The following CD300LF variants were observed in gnomAD, a reference collection of about 807,000 sequenced individuals.
CD300LF encodes CD300 molecule like family member f.
In CD300LF, 27 loss-of-function variants were observed where a neutral mutation model predicts 32.2. The observed-to-expected ratio is 0.84, with a 90% confidence interval of 0.62 to 1.15. CD300LF has a LOEUF of 1.15. Among genes scored for constraint, CD300LF ranks in the 50% most tolerant of loss-of-function variants. The pLI, the probability that CD300LF is intolerant of heterozygous loss-of-function variation, is 0.00. For missense variants in CD300LF, 348 were observed against 356.8 expected, an observed-to-expected ratio of 0.98 and a Z score of 0.20; for synonymous variants, 139 against 143.2, an observed-to-expected ratio of 0.97 and a Z score of 0.21.
At chr17:74,704,341 T>TA (rs761295572) in intron 2 of CD300LF, 137 bp downstream of exon 2, 12 of 660,512 alleles carry the variant, frequency 1.8e-5, no homozygotes, top group Admixed American at 2.9e-5. Context: ...CAGTCCCAGG[T>TA]GGTCAGTCAG....
rs181624680 is a variant in CD300LF at position 74,694,760 on chromosome 17, A to G, written c.*336T>C. The G allele has an allele frequency of 1.5e-4, 30 of 201,932 alleles. No individual in the cohort carries two copies. The highest frequency in any genetic ancestry group is 1.2e-3 in the South Asian group (8 of 6,746). 12.5% of individuals were successfully genotyped at this position (201,932 alleles called of 1,614,324 possible). ...GCCCATAACATGTGGTAGGCAATAA[A>G]TAAAGGTTCATTGTATTACGATAAT... is the stretch of plus-strand genomic sequence containing the variant. On this transcript the variant is annotated 3_prime_UTR_variant, in exon 7 of 7. Coordinates refer to ENST00000326165, the MANE Select transcript of CD300LF (RefSeq NM_139018.5).
chr17:74,696,961 G>A (rs575423156), intron 4 of CD300LF, among the ~76,000 whole-genome samples: 5 of 146,828 alleles, frequency 3.4e-5, no homozygotes, highest in Admixed American at 2.7e-4. Context: ...TTGGTTTTGA[G>A]ATGGAGTTTC....
chr17:74,703,227 C>T, intron 2 of CD300LF, 129 bp from the exon 3 acceptor site: 2 of 1,144,996 alleles, frequency 1.7e-6, no homozygotes, highest in Admixed American at 2.0e-5. Context: ...CAGCTCTGAG[C>T]CTGGGCGGGG....
At chr17:74,699,834 C>G (rs1213591223) in intron 3 of CD300LF, among the ~76,000 whole-genome samples, 1 of 152,096 alleles carries the variant, frequency 6.6e-6, no homozygotes, top group African/African-American at 2.4e-5. Flanking sequence ...AAGCACACCC[C>G]TCTCTTTCTC....
At chr17:74,696,506 G>A (rs760673012) in intron 4 of CD300LF, among the ~76,000 whole-genome samples, 6 of 152,168 alleles carry the variant, frequency 3.9e-5, no homozygotes, top group Admixed American at 2.0e-4. Context: ...GCCAGCCATC[G>A]GCTCCCCTGG....
chr17:74,700,778 G>A (rs2032976071), intron 3 of CD300LF, among the ~76,000 whole-genome samples: 1 of 152,022 alleles, frequency 6.6e-6, no homozygotes, highest in African/African-American at 2.4e-5. Context: ...AAAAAAAACT[G>A]TTGTGGGCTG....
chr17:74,695,063 G>A lies in CD300LF; in HGVS notation c.*33C>T. On this transcript the variant is annotated 3_prime_UTR_variant, in exon 7 of 7. Transcript: ENST00000326165. ...TCGATGAGGCAGGAGTGTGCTCACA[G>A]CCTGGGGTCCAAGAAGGAGCCTGGA... is the stretch of plus-strand genomic sequence containing the variant. 6.2e-7 allele frequency: 1 copy of A among 1,601,304 alleles called. No homozygotes were observed. The highest frequency in any genetic ancestry group is 8.5e-7 in the Non-Finnish European group (1 of 1,173,144).
chr17:74,704,439 G>T, intron 2 of CD300LF, 39 bp downstream of exon 2: 3 of 1,410,106 alleles, frequency 2.1e-6, no homozygotes, highest in Non-Finnish European at 2.0e-6. Flanking sequence ...GGACAGAGCA[G>T]GCCCTGAGAG....
At chr17:74,706,300 T>A (rs1483142129) in intron 1 of CD300LF, among the ~76,000 whole-genome samples, 2 of 147,682 alleles carry the variant, frequency 1.4e-5, no homozygotes, top group Admixed American at 1.4e-4. Context: ...TATATATATA[T>A]CCCAAAGTGC....
At chr17:74,695,296 GAC>G (rs1325841753) in intron 6 of CD300LF, 45 bp from the exon 7 acceptor site, 1 of 1,608,292 alleles carries the variant, frequency 6.2e-7, no homozygotes, top group East Asian at 2.2e-5. Flanking sequence ...GGCAGGAAGT[GAC>G]GGTCACGGGG....
chr17:74,704,400 A>G, intron 2 of CD300LF, 78 bp downstream of exon 2: 1 of 1,036,582 alleles, frequency 9.6e-7, no homozygotes, highest in East Asian at 2.4e-5. Flanking sequence ...AGTGACAATT[A>G]AATCACTTGA....
chr17:74,698,216 C>T (rs1287287881), intron 4 of CD300LF, among the ~76,000 whole-genome samples, 153 bp downstream of exon 4: 1 of 152,186 alleles, frequency 6.6e-6, no homozygotes, highest in Non-Finnish European at 1.5e-5. Flanking sequence ...CCAGGGCGCC[C>T]CCCGGTCCCC....
At chr17:74,695,553 G>A (rs2032365322) in intron 6 of CD300LF, among the ~76,000 whole-genome samples, 172 bp downstream of exon 6, 1 of 152,298 alleles carries the variant, frequency 6.6e-6, no homozygotes, top group South Asian at 2.1e-4. Flanking sequence ...CCCCAGGACT[G>A]AGACTTGCCT....
rs559079596 is a variant in CD300LF at position 74,711,533 on chromosome 17, C to T, written c.43+1291G>A. ...CAGTCCTGGACAAGTCACTTTCTTC[C>T]CCAAGACCTTTTCTCCAATCTGTCC... On this transcript the variant is annotated intron_variant, in intron 1 of 6. Transcript: ENST00000326165. Among the ~76,000 whole-genome samples the T allele has an allele frequency of 7.2e-5, 11 of 152,300 alleles. No individual in the cohort carries two copies. In the South Asian group the frequency reaches 2.1e-3, roughly 29 times the overall value.
At chr17:74,704,304 G>T in intron 2 of CD300LF, 174 bp downstream of exon 2, 6 of 606,066 alleles carry the variant, frequency 9.9e-6, no homozygotes, top group Non-Finnish European at 1.7e-5. Context: ...GGAGCCATGG[G>T]GGCATTGAAG....
chr17:74,710,584 C>T (rs978402908), intron 1 of CD300LF, among the ~76,000 whole-genome samples: 23 of 151,932 alleles, frequency 1.5e-4, no homozygotes, highest in African/African-American at 5.3e-4. Context: ...TGAGGCTGGG[C>T]GCGGTGGCTC....
rs777153185 is a variant in CD300LF at position 74,695,718 on chromosome 17, G to A, written c.717+7C>T. Reference sequence around the variant, plus strand: ...CAGCCTCACAGCAGCCCCCATGGAGGACGCACCATGGTGACATATTCCACT... The same window carrying A: ...CAGCCTCACAGCAGCCCCCATGGAGAACGCACCATGGTGACATATTCCACT... On this transcript the variant is annotated splice_region_variant and intron_variant, in intron 6 of 6. Coordinates refer to ENST00000326165, the MANE Select transcript of CD300LF (RefSeq NM_139018.5). The A allele has an allele frequency of 4.3e-6, 7 of 1,613,994 alleles. No homozygotes were observed. The highest frequency in any genetic ancestry group is 2.2e-5 in the East Asian group (1 of 44,888).
chr17:74,702,984 A>G, intron 3 of CD300LF, 51 bp downstream of exon 3: 1 of 1,427,002 alleles, frequency 7.0e-7, no homozygotes, highest in South Asian at 1.1e-5. Flanking sequence ...AGAGTTCTCC[A>G]TTGGAGGAGT....
At chr17:74,695,930 G>A in intron 5 of CD300LF, 71 bp from the exon 6 acceptor site, 1 of 1,533,658 alleles carries the variant, frequency 6.5e-7, no homozygotes, top group Non-Finnish European at 8.8e-7. Context: ...TCCACGGTGG[G>A]ACGGGACGAG....
Sources: gnomAD v4.1 joint callset for allele counts (sites outside exome capture counted in the v4.1 genomes callset) on GRCh38, gnomAD v4.1.1 for gene constraint, MANE v1.5 for transcripts, NCBI Gene and HGNC (gene_info 2026-07-23, HGNC 2026-07-21) for gene names.